Variants in HTT observed in about 807,000 individuals in gnomAD.
The protein encoded by HTT is huntington disease protein.
A neutral mutation model predicts 362.3 loss-of-function variants in HTT; 104 were observed. The ratio of observed to expected loss-of-function variants is 0.29; its 90% CI spans 0.24 to 0.34. HTT has a LOEUF of 0.34. Ranked by LOEUF, HTT falls within the 10% of genes least tolerant of loss-of-function variation. The pLI, the probability that HTT is intolerant of heterozygous loss-of-function variation, is 1.00. For missense variants in HTT, 3,301 were observed against 3,928.6 expected (o/e 0.84, Z 4.27); for synonymous variants, 1,577 against 1,548.7 (o/e 1.02, Z -0.43).
rs1357544248 is a variant in HTT, at chr4:3,074,715, A to T, written c.-111A>T. ...ACGGGTCCAAGATGGACGGCCGCTC[A>T]GGTTCTGCTTTTACCTGCGGCCCAG... On this transcript the variant is annotated 5_prime_UTR_variant, in exon 1 of 67. Transcript: ENST00000355072. The T allele has an allele frequency of 8.6e-7, 1 of 1,158,182 alleles. No individual in the cohort carries two copies. The highest frequency in any genetic ancestry group is 1.2e-6 in the Non-Finnish European group (1 of 860,990). The allele number at this position is 1,158,182 out of a possible 1,614,324, so 71.7% of individuals were successfully genotyped here.
rs1560574030 is a variant in HTT, at chr4:3,160,272, C to T, written c.3754-10C>T. 3 of 1,532,374 alleles carry T rather than the reference C, an allele frequency of 2.0e-6. No homozygotes were observed. Among genetic ancestry groups the T allele is most frequent in the Non-Finnish European group, 2.7e-6 (3 of 1,129,208 alleles). The allele number at this position is 1,532,374 out of a possible 1,614,324, so 94.9% of individuals were successfully genotyped here. On this transcript the variant is annotated splice_polypyrimidine_tract_variant and intron_variant, in intron 28 of 66. Transcript: ENST00000355072. Reference sequence around the variant, plus strand: ...CAGTAACCGTGTGTTCTCTCCTTCACCTTCCCAAGGTCACGCTGGATCTTC... The same window carrying T: ...CAGTAACCGTGTGTTCTCTCCTTCATCTTCCCAAGGTCACGCTGGATCTTC...
chr4:3,239,822 C>A, intron 66 of HTT, 24 bp from the exon 67 acceptor site: 1 of 1,542,760 alleles, frequency 6.5e-7, no homozygotes, highest in Non-Finnish European at 8.8e-7. Context: ...ATTTGCCGGC[C>A]TTTTTCCTTA....
rs1721056798 is a variant in HTT at position 3,228,940 on chromosome 4, C to T, written c.8040C>T (p.Ser2680=). ...CGCAGTTTTTGCTTGAGTTGTACAGCCGCTGGATCCTGCCGTCCAGCTCAG... is the reference window on the plus strand; with the variant it reads ...CGCAGTTTTTGCTTGAGTTGTACAGTCGCTGGATCCTGCCGTCCAGCTCAG... ...SCSQFLLELY[S]RWILPSSSAR... is the part of the protein sequence containing the mutation. Residue 2680 remains serine (S), a synonymous_variant, in exon 59 of 67, where the codon AGC becomes AGT. Transcript: ENST00000355072. This position sits in a 1 kb window ranked among gnomAD's most constrained non-coding sequence, Gnocchi z 4.3. 1 of 1,613,652 alleles carries T rather than the reference C, an allele frequency of 6.2e-7. No individual in the cohort carries two copies. Among genetic ancestry groups the T allele is most frequent in the Non-Finnish European group, 8.5e-7 (1 of 1,179,770 alleles).
chr4:3,122,598 TAGTC>T (rs1441637878), intron 9 of HTT, among the ~76,000 whole-genome samples: 3 of 152,248 alleles, frequency 2.0e-5, no homozygotes, highest in African/African-American at 4.8e-5. Context: ...ACTTGACTGT[TAGTC>T]AGCTAAATAA....
chr4:3,103,712 G>T, intron 3 of HTT, 112 bp from the exon 4 acceptor site: 1 of 674,804 alleles, frequency 1.5e-6, no homozygotes, highest in Non-Finnish European at 2.7e-6. Context: ...TCTTAATTTA[G>T]TTGCTATTAT....
At chr4:3,221,225 C>T (rs966838557) in intron 53 of HTT, among the ~76,000 whole-genome samples, 24 of 152,170 alleles carry the variant, frequency 1.6e-4, no homozygotes, top group Non-Finnish European at 1.5e-4. Flanking sequence ...TGGCAGGAGA[C>T]ACCTTGCCTC....
chr4:3,229,710 C>A (rs756069790), intron 59 of HTT, among the ~76,000 whole-genome samples, 177 bp from the exon 60 acceptor site: 3 of 152,116 alleles, frequency 2.0e-5, no homozygotes, highest in Non-Finnish European at 4.4e-5. Context: ...ACGTGTACCA[C>A]GCACCCACAC....
chr4:3,123,064 T>TGA (rs1715365020), intron 10 of HTT, 128 bp downstream of exon 10: 1 of 564,974 alleles, frequency 1.8e-6, no homozygotes, highest in African/African-American at 1.9e-5. Context: ...CTCAGATGAG[T>TGA]GATTATATGT....
At chr4:3,167,174 C>T (rs1202067156) in intron 29 of HTT, among the ~76,000 whole-genome samples, 7 of 152,298 alleles carry the variant, frequency 4.6e-5, no homozygotes, top group East Asian at 1.9e-4. Context: ...TGGTTTCAAG[C>T]GATTCTCCTA....
intron 40 of HTT, among the ~76,000 whole-genome samples, chr4:3,195,258 A>G (rs531949492): frequency 6.6e-6 from 1 of 152,250 alleles, no homozygotes; most frequent in African/African-American, 2.4e-5. Flanking sequence ...ATGCGATCCC[A>G]CATCCTGCCT....
At chr4:3,131,929 G>A (rs1029731132) in intron 16 of HTT, among the ~76,000 whole-genome samples, 154 bp downstream of exon 16, 1 of 152,222 alleles carries the variant, frequency 6.6e-6, no homozygotes, top group African/African-American at 2.4e-5. Flanking sequence ...CACATGAATA[G>A]TGAAGTTCTT....
chr4:3,178,752 C>T (rs1718362007), intron 35 of HTT, among the ~76,000 whole-genome samples: 2 of 152,196 alleles, frequency 1.3e-5, no homozygotes, highest in Admixed American at 1.3e-4. Context: ...AAAAGTTCTT[C>T]ACTTGATCTT....
intron 1 of HTT, among the ~76,000 whole-genome samples, chr4:3,086,491 G>A (rs1380903677): frequency 6.6e-6 from 1 of 152,156 alleles, no homozygotes; most frequent in African/African-American, 2.4e-5. Flanking sequence ...AACATCGTGA[G>A]GCCCCGTCTC....
chr4:3,209,956 G>A lies in HTT; in HGVS notation c.6414+7G>A, dbSNP rs745894267. On this transcript the variant is annotated splice_region_variant and intron_variant, in intron 47 of 66. Transcript: ENST00000355072. ...TGCCTTCATGATGAACTCGGTACGGGGGGAGCAGTGGAGGCAAGGAATCCT... is the reference window on the plus strand; with the variant it reads ...TGCCTTCATGATGAACTCGGTACGGAGGGAGCAGTGGAGGCAAGGAATCCT... The A allele has an allele frequency of 2.5e-6, 4 of 1,613,034 alleles. No individual in the cohort carries two copies. The highest frequency in any genetic ancestry group is 2.2e-5 in the South Asian group (2 of 90,932).
At chr4:3,208,694 T>C in intron 45 of HTT, 79 bp from the exon 46 acceptor site, 1 of 1,325,968 alleles carries the variant, frequency 7.5e-7, no homozygotes, top group Non-Finnish European at 1.0e-6. Flanking sequence ...TCTAGAATCC[T>C]AGTGTGCAGA....
intron 57 of HTT, 59 bp downstream of exon 57, chr4:3,225,802 C>G: frequency 8.0e-7 from 1 of 1,248,628 alleles, no homozygotes; most frequent in Non-Finnish European, 1.1e-6. Context: ...GACTTTGGCG[C>G]TTGACACACC....
chr4:3,148,179 A>G lies in HTT; in HGVS notation c.3470A>G (p.Asp1157Gly), dbSNP rs369912429. The change falls in exon 26 of 67, where the codon GAT becomes GGT. Residue 1157 changes from aspartate (D) to glycine (G), a missense_variant. Coordinates refer to ENST00000355072, the MANE Select transcript of HTT (RefSeq NM_001388492.1). ...KVINICAHVL[D>G]DVAPGPAIKA... is the part of the protein sequence containing the mutation. ...ATTAACATTTGTGCCCACGTCCTGGATGACGTGGCTCCTGGACCCGCAATA... is the reference window on the plus strand; with the variant it reads ...ATTAACATTTGTGCCCACGTCCTGGGTGACGTGGCTCCTGGACCCGCAATA... 149 of 1,599,736 alleles carry G rather than the reference A, an allele frequency of 9.3e-5. 1 individual carries two copies. Among genetic ancestry groups the G allele is most frequent in the Non-Finnish European group, 6.1e-5 (72 of 1,172,888 alleles).
intron 11 of HTT, among the ~76,000 whole-genome samples, chr4:3,126,882 G>C (rs995495655): frequency 1.3e-5 from 2 of 152,204 alleles, no homozygotes; most frequent in African/African-American, 2.4e-5. Flanking sequence ...ACCACTGCTT[G>C]CTTAGAGGGC....
chr4:3,137,988 T>G (rs1412471406), intron 21 of HTT, among the ~76,000 whole-genome samples: 2 of 152,220 alleles, frequency 1.3e-5, no homozygotes, highest in African/African-American at 4.8e-5. Context: ...TCATTTCTCT[T>G]GAGTAGATCA....
Sources: gnomAD v4.1 joint callset for allele counts (sites outside exome capture counted in the v4.1 genomes callset) on GRCh38, gnomAD v4.1.1 for gene constraint, Gnocchi (gnomAD v3.1) non-coding constraint, MANE v1.5 for transcripts, NCBI Gene and HGNC (gene_info 2026-07-23, HGNC 2026-07-21) for gene names.